The following ZMAT4 variants were observed in gnomAD, a reference collection of about 807,000 sequenced individuals.
ZMAT4 encodes zinc finger matrin-type protein 4.
A neutral mutation model predicts 28.7 loss-of-function variants in ZMAT4; 17 were observed. The ratio of observed to expected loss-of-function variants is 0.59; its 90% CI spans 0.41 to 0.89. ZMAT4 has a LOEUF of 0.89. Among genes scored for constraint, ZMAT4 ranks in the 40% least tolerant of loss-of-function variants. The pLI is 0.00. For missense variants in ZMAT4, 240 were observed against 283.8 expected (o/e 0.85, Z 1.11); for synonymous variants, 117 against 109.2 (o/e 1.07, Z -0.44).
intron 5 of ZMAT4, among the ~76,000 whole-genome samples, chr8:40,613,139 T>A (rs1805862607): frequency 6.6e-6 from 1 of 150,906 alleles, no homozygotes; most frequent in South Asian, 2.1e-4. Context: ...AAACTTGAAA[T>A]CTTTCACCTA....
intron 5 of ZMAT4, among the ~76,000 whole-genome samples, chr8:40,643,658 G>A (rs994286454): frequency 7.9e-5 from 12 of 152,042 alleles, no homozygotes; most frequent in African/African-American, 2.9e-4. Context: ...GCCCGGTGGA[G>A]AGAGGAAGCG....
chr8:40,808,253 G>A (rs1362920727), intron 2 of ZMAT4, among the ~76,000 whole-genome samples: 1 of 123,844 alleles, frequency 8.1e-6, no homozygotes, highest in African/African-American at 2.7e-5. Context: ...CTTCATTTAA[G>A]AAAATAATTT....
chr8:40,690,267 G>T (rs1431835398), intron 4 of ZMAT4, among the ~76,000 whole-genome samples: 2 of 152,192 alleles, frequency 1.3e-5, no homozygotes. Context: ...TCAGCCACTT[G>T]TATCACCTTG....
intron 1 of ZMAT4, among the ~76,000 whole-genome samples, chr8:40,886,398 C>T (rs1324576113): frequency 6.6e-6 from 1 of 152,226 alleles, no homozygotes; most frequent in Non-Finnish European, 1.5e-5. Context: ...AGTCACGCAG[C>T]TTGGAGTCCT....
intron 2 of ZMAT4, among the ~76,000 whole-genome samples, chr8:40,788,912 T>C (rs950205740): frequency 6.6e-6 from 1 of 151,154 alleles, no homozygotes; most frequent in Non-Finnish European, 1.5e-5. Context: ...CCAAGGTAGA[T>C]TTAACATTTA....
At chr8:40,728,837 T>C (rs1811413439) in intron 3 of ZMAT4, among the ~76,000 whole-genome samples, 1 of 152,202 alleles carries the variant, frequency 6.6e-6, no homozygotes, top group Non-Finnish European at 1.5e-5. Context: ...CTAGTGCTCA[T>C]GTGTAGTCAA....
chr8:40,830,864 G>A (rs1331979901), intron 1 of ZMAT4, among the ~76,000 whole-genome samples: 4 of 152,136 alleles, frequency 2.6e-5, no homozygotes, highest in Non-Finnish European at 5.9e-5. Context: ...CAGCCTCACT[G>A]AGCCCTGGTT....
At chr8:40,664,239 G>A (rs1237293662) in intron 5 of ZMAT4, among the ~76,000 whole-genome samples, 2 of 152,156 alleles carry the variant, frequency 1.3e-5, no homozygotes, top group African/African-American at 2.4e-5. Flanking sequence ...TCACTCTGTA[G>A]GAAGCCAGCG....
chr8:40,689,436 T>C (rs1585882948), intron 4 of ZMAT4, among the ~76,000 whole-genome samples: 1 of 152,230 alleles, frequency 6.6e-6, no homozygotes, highest in East Asian at 1.9e-4. Context: ...TTAATCGCAC[T>C]CAAATGCCAT....
At chr8:40,560,668 A>G (rs1803707134) in intron 6 of ZMAT4, among the ~76,000 whole-genome samples, 1 of 152,118 alleles carries the variant, frequency 6.6e-6, no homozygotes, top group African/African-American at 2.4e-5. Context: ...GATCACAAGG[A>G]CAGCCAGCCA....
intron 5 of ZMAT4, among the ~76,000 whole-genome samples, chr8:40,672,462 G>T (rs185606904): frequency 4.6e-5 from 7 of 152,264 alleles, no homozygotes; most frequent in African/African-American, 1.4e-4. Flanking sequence ...AGGACATTGT[G>T]CTCAATGCTA....
intron 1 of ZMAT4, among the ~76,000 whole-genome samples, chr8:40,870,151 G>A (rs1817803525): frequency 6.6e-6 from 1 of 152,126 alleles, no homozygotes; most frequent in Non-Finnish European, 1.5e-5. Flanking sequence ...ATCTGTACCA[G>A]GAAAAGGGCT....
At chr8:40,895,750 C>T (rs1818845898) in intron 1 of ZMAT4, among the ~76,000 whole-genome samples, 1 of 152,244 alleles carries the variant, frequency 6.6e-6, no homozygotes, top group Non-Finnish European at 1.5e-5. Context: ...TTAAAGGGAA[C>T]CCCCAGTTTT....
intron 1 of ZMAT4, among the ~76,000 whole-genome samples, chr8:40,874,376 T>C (rs1335343396): frequency 1.3e-5 from 2 of 152,222 alleles, no homozygotes; most frequent in Admixed American, 6.5e-5. Context: ...GGGTGGTGGC[T>C]ATTTAGTGGG....
chr8:40,756,457 T>TATATATATATATATATATAC (rs1278110013), intron 3 of ZMAT4, among the ~76,000 whole-genome samples: 19 of 113,298 alleles, frequency 1.7e-4, no homozygotes, highest in African/African-American at 3.6e-4. Context: ...TATATATATA[T>TATATATATATATATATATAC]ACACACTTGT....
At chr8:40,772,207 C>T (rs550725694) in intron 2 of ZMAT4, among the ~76,000 whole-genome samples, 7 of 152,188 alleles carry the variant, frequency 4.6e-5, no homozygotes, top group Non-Finnish European at 1.0e-4. Flanking sequence ...ATTACCAACT[C>T]TTCCATTTTA....
intron 1 of ZMAT4, among the ~76,000 whole-genome samples, chr8:40,844,107 C>T (rs923085057): frequency 4.6e-5 from 7 of 152,120 alleles, no homozygotes; most frequent in Non-Finnish European, 8.8e-5. Context: ...CCGACCTAAC[C>T]GCTGAAGAGT....
intron 5 of ZMAT4, among the ~76,000 whole-genome samples, chr8:40,652,854 A>T (rs985330060): frequency 8.8e-5 from 7 of 79,930 alleles, no homozygotes; most frequent in African/African-American, 2.2e-4. Context: ...AACACCACAT[A>T]TTCTCACTCA....
intron 6 of ZMAT4, among the ~76,000 whole-genome samples, chr8:40,580,101 C>T (rs1411048941): frequency 2.0e-5 from 3 of 151,206 alleles, no homozygotes; most frequent in African/African-American, 4.9e-5. Context: ...CAATCTCCAC[C>T]TCCCAGGTTC....
Sources: gnomAD v4.1 joint callset for allele counts (sites outside exome capture counted in the v4.1 genomes callset) on GRCh38, gnomAD v4.1.1 for gene constraint, MANE v1.5 for transcripts, NCBI Gene and HGNC (gene_info 2026-07-23, HGNC 2026-07-21) for gene names.